KIF26B: variants seen among roughly 807,000 people sequenced by gnomAD.
KIF26B encodes the protein kinesin-like protein KIF26B.
In KIF26B, 63 loss-of-function variants were observed where a neutral mutation model predicts 151.2. That is an observed-to-expected ratio of 0.42 (90% CI 0.34 to 0.51). KIF26B has a LOEUF of 0.51. Among genes scored for constraint, KIF26B ranks in the 20% least tolerant of loss-of-function variants. The probability of loss-of-function intolerance (pLI) is 0.07; values close to 1 mark genes in which losing one functional copy is unlikely to be tolerated. For synonymous variants in KIF26B, 1,357 were observed against 1,262.1 expected (o/e 1.08, Z -1.59); for missense variants, 2,813 against 2,913.6 (o/e 0.97, Z 0.79).
intron 4 of KIF26B, among the ~76,000 whole-genome samples, chr1:245,519,558 A>C (rs936308270): frequency 2.0e-5 from 3 of 152,082 alleles, no homozygotes; most frequent in African/African-American, 7.2e-5. Flanking sequence ...CATCTCAAAA[A>C]AAAAAAAGAA....
chr1:245,574,282 T>C (rs1207402954), intron 5 of KIF26B, among the ~76,000 whole-genome samples: 1 of 152,136 alleles, frequency 6.6e-6, no homozygotes, highest in African/African-American at 2.4e-5. Context: ...TAGCTGGGAT[T>C]ACAGGCATGT....
intron 10 of KIF26B, among the ~76,000 whole-genome samples, chr1:245,682,035 G>C (rs1353099404): frequency 6.6e-6 from 1 of 152,204 alleles, no homozygotes; most frequent in African/African-American, 2.4e-5. Context: ...CTGAGGTCAG[G>C]AGTTTGAGAC....
At chr1:245,451,329 GTTCTCCC>G (rs1290005291) in intron 4 of KIF26B, among the ~76,000 whole-genome samples, 1 of 151,876 alleles carries the variant, frequency 6.6e-6, no homozygotes, top group Non-Finnish European at 1.5e-5. Context: ...TGGGTTTGTA[GTTCTCCC>G]TTTACCCAAT....
intron 2 of KIF26B, among the ~76,000 whole-genome samples, chr1:245,323,970 TG>T (rs1440333993): frequency 1.0e-5 from 1 of 100,224 alleles, no homozygotes; most frequent in African/African-American, 3.9e-5. Flanking sequence ...GGAGGTGGGG[TG>T]GGCCCTGCCA....
intron 2 of KIF26B, among the ~76,000 whole-genome samples, chr1:245,292,957 C>G (rs1293649007): frequency 6.6e-6 from 1 of 152,206 alleles, no homozygotes; most frequent in Non-Finnish European, 1.5e-5. Flanking sequence ...TCAGAGTTTT[C>G]TTCAAAGCCC....
At chr1:245,674,817 T>C (rs2044337876) in intron 10 of KIF26B, among the ~76,000 whole-genome samples, 1 of 152,210 alleles carries the variant, frequency 6.6e-6, no homozygotes, top group South Asian at 2.1e-4. Flanking sequence ...GATGAGCTCC[T>C]CAGAATCAGC....
chr1:245,193,796 C>CT (rs1434244969), intron 2 of KIF26B, among the ~76,000 whole-genome samples: 2 of 152,210 alleles, frequency 1.3e-5, no homozygotes, highest in East Asian at 3.8e-4. Context: ...TTTATGACAA[C>CT]TTACTTGTTC....
chr1:245,259,268 G>A (rs2103569080), intron 2 of KIF26B, among the ~76,000 whole-genome samples: 1 of 152,270 alleles, frequency 6.6e-6, no homozygotes, highest in Non-Finnish European at 1.5e-5. Context: ...TGCCTGCCTA[G>A]GTGGTGCGGA....
At chr1:245,240,575 C>CT (rs1175441902) in intron 2 of KIF26B, among the ~76,000 whole-genome samples, 7 of 152,166 alleles carry the variant, frequency 4.6e-5, no homozygotes, top group African/African-American at 1.7e-4. Flanking sequence ...TATATTTAAT[C>CT]TTTTTCCTTC....
rs192074463 is a variant in KIF26B, at chr1:245,622,111, T to C, written c.2098+10135T>C. Among the ~76,000 whole-genome samples the C allele has an allele frequency of 1.0e-3, 153 of 152,328 alleles. 2 individuals carry two copies. Among genetic ancestry groups the C allele is most frequent in the African/African-American group, 3.6e-3 (148 of 41,584 alleles). On this transcript the variant is annotated intron_variant, in intron 9 of 14. Coordinates refer to ENST00000407071, the MANE Select transcript of KIF26B (RefSeq NM_018012.4). ...CTATATAATTAGGCTGCAAAACAGA[T>C]GATATTTTGCTTTAAAAATAACTAT... is the stretch of plus-strand genomic sequence containing the variant.
chr1:245,620,994 G>A (rs986416001), intron 9 of KIF26B, among the ~76,000 whole-genome samples: 2 of 152,146 alleles, frequency 1.3e-5, no homozygotes, highest in African/African-American at 4.8e-5. Flanking sequence ...GTGACCCAGA[G>A]CATTGCTGAA....
intron 2 of KIF26B, among the ~76,000 whole-genome samples, chr1:245,180,125 A>AAGAAGTATC (rs1668878784): frequency 6.6e-6 from 1 of 152,264 alleles, no homozygotes; most frequent in Non-Finnish European, 1.5e-5. Flanking sequence ...CATGCTTTTA[A>AAGAAGTATC]AGAAGTATCA....
chr1:245,653,416 C>T lies in KIF26B; in HGVS notation c.2258+7136C>T, dbSNP rs1487885051. On this transcript the variant is annotated intron_variant, in intron 10 of 14. Transcript: ENST00000407071. Reference sequence around the variant, plus strand: ...GTTAGCACGGTGCATAAATGAGCCCCCGGTGAGAGTATTTCCCATCGTGAG... The same window carrying T: ...GTTAGCACGGTGCATAAATGAGCCCTCGGTGAGAGTATTTCCCATCGTGAG... 3.3e-5 allele frequency among the ~76,000 whole-genome samples: 5 copies of T among 152,122 alleles called. No homozygotes were observed. The East Asian group carries it at 9.6e-4, about 29-fold the overall frequency.
chr1:245,210,624 A>G (rs570869201), intron 2 of KIF26B, among the ~76,000 whole-genome samples: 1 of 151,896 alleles, frequency 6.6e-6, no homozygotes, highest in Non-Finnish European at 1.5e-5. Context: ...GTTTAATGCA[A>G]ATAAAAGAAT....
chr1:245,584,952 A>G (rs1157173943), intron 5 of KIF26B, among the ~76,000 whole-genome samples: 2 of 152,210 alleles, frequency 1.3e-5, no homozygotes, highest in Non-Finnish European at 2.9e-5. Context: ...AATCTTTTAA[A>G]TTGATAAGAT....
intron 2 of KIF26B, among the ~76,000 whole-genome samples, chr1:245,173,278 G>A (rs1668744131): frequency 6.6e-6 from 1 of 152,204 alleles, no homozygotes; most frequent in African/African-American, 2.4e-5. Context: ...GGAAGGTGGT[G>A]GTGGTTGCAC....
chr1:245,183,679 T>C (rs991096493), intron 2 of KIF26B, among the ~76,000 whole-genome samples: 1 of 152,172 alleles, frequency 6.6e-6, no homozygotes, highest in Admixed American at 6.5e-5. Context: ...ACAGAATCTC[T>C]AACACATCTT....
chr1:245,449,640 G>C (rs565611684), intron 4 of KIF26B, among the ~76,000 whole-genome samples: 1 of 152,164 alleles, frequency 6.6e-6, no homozygotes, highest in Non-Finnish European at 1.5e-5. Flanking sequence ...TGGCTAGCCC[G>C]AAGCTCTTTA....
At chr1:245,323,359 A>G (rs931851655) in intron 2 of KIF26B, among the ~76,000 whole-genome samples, 1 of 152,180 alleles carries the variant, frequency 6.6e-6, no homozygotes, top group Admixed American at 6.5e-5. Flanking sequence ...GGTTCCTGAA[A>G]CTTGATACAA....
Sources: allele counts gnomAD v4.1 joint callset (sites outside exome capture counted in the v4.1 genomes callset), GRCh38; gene constraint gnomAD v4.1.1; transcripts MANE v1.5; gene names NCBI Gene and HGNC (gene_info 2026-07-23, HGNC 2026-07-21).